Variants in PCDHGA3 observed in about 807,000 individuals in gnomAD.
The protein encoded by PCDHGA3 is protocadherin gamma-A3.
A neutral mutation model predicts 58.5 loss-of-function variants in PCDHGA3; 40 were observed. The observed-to-expected ratio is 0.68, with a 90% CI of 0.53 to 0.89. PCDHGA3 has a LOEUF of 0.89. Ranked by LOEUF, PCDHGA3 falls within the 40% of genes least tolerant of loss-of-function variation. The pLI, the probability that PCDHGA3 is intolerant of heterozygous loss-of-function variation, is 0.00. For synonymous variants in PCDHGA3, 530 were observed against 525.7 expected, an observed-to-expected ratio of 1.01 and a Z score of -0.11; for missense variants, 1,223 against 1,195.9, an observed-to-expected ratio of 1.02 and a Z score of -0.33.
In PCDHGA3 at chr5:141,350,224, A is replaced by G. The variant is rs545607392; in HGVS notation, c.2424+3767A>G. On this transcript the variant is annotated intron_variant, in intron 1 of 3. Coordinates refer to ENST00000253812, the MANE Select transcript of PCDHGA3 (RefSeq NM_018916.4). ...GTGCTGCCATTTCTTTTTGAAAAAC[A>G]TCCCAGAGGAAAGAAGCTCCGCGGA... is the stretch of plus-strand genomic sequence containing the variant. The G allele has an allele frequency of 1.7e-5, 26 of 1,496,556 alleles. No individual in the cohort carries two copies. In the East Asian group the frequency reaches 6.0e-4, roughly 35 times the overall value. The allele number at this position is 1,496,556 out of a possible 1,614,324, so 92.7% of individuals were successfully genotyped here.
At chr5:141,410,480 G>A in intron 1 of PCDHGA3, 1 of 1,613,966 alleles carries the variant, frequency 6.2e-7, no homozygotes, top group Non-Finnish European at 8.5e-7. Context: ...TGCACATACG[G>A]GTACAAAAGA....
At chr5:141,438,649 CACAT>C (rs2098044358) in intron 1 of PCDHGA3, among the ~76,000 whole-genome samples, 1 of 100,976 alleles carries the variant, frequency 9.9e-6, no homozygotes, top group Non-Finnish European at 2.0e-5. Context: ...CACACACACA[CACAT>C]ATATGTATAT....
intron 1 of PCDHGA3, among the ~76,000 whole-genome samples, chr5:141,373,448 A>G (rs1222167588): frequency 6.6e-6 from 1 of 152,218 alleles, no homozygotes; most frequent in Non-Finnish European, 1.5e-5. Flanking sequence ...CCTTGATCCC[A>G]GGAGGTAGCA....
At chr5:141,438,591 C>CATATATATATATATATATAT (rs946798767) in intron 1 of PCDHGA3, among the ~76,000 whole-genome samples, 1 of 75,562 alleles carries the variant, frequency 1.3e-5, no homozygotes, top group Non-Finnish European at 2.7e-5. Context: ...TACATACATA[C>CATATATATATATATATATAT]ATATATATAT....
At position 141,376,180 on chromosome 5, in the gene PCDHGA3, G is replaced by C. The variant is rs113596971; in HGVS notation, c.2424+29723G>C. On this transcript the variant is annotated intron_variant, in intron 1 of 3. Transcript: ENST00000253812. Reference sequence around the variant, plus strand: ...TGTACCTGGTGGTGGCGGTGGCCGCGGTCTCCTGCGTCTTCCTGGCCTTCG... The same window carrying C: ...TGTACCTGGTGGTGGCGGTGGCCGCCGTCTCCTGCGTCTTCCTGGCCTTCG... The C allele has an allele frequency of 1.9e-3, 3,099 of 1,614,100 alleles. 61 individuals are homozygous for C. The African/African-American group carries it at 0.034, about 18-fold the overall frequency.
rs149649459 is a variant in PCDHGA3, at chr5:141,505,183, G to A, written c.2484-210G>A. ...TCTAAAACAAAAAGAAAAAAGCATC[G>A]GAGGCAGCAAAGAGCTGGTTTGAGG... On this transcript the variant is annotated intron_variant, in intron 2 of 3. Transcript: ENST00000253812. Among the ~76,000 whole-genome samples, 214 of 152,244 alleles carry A rather than the reference G, an allele frequency of 1.4e-3. 1 individual carries two copies. Among genetic ancestry groups the A allele is most frequent in the African/African-American group, 4.8e-3 (200 of 41,530 alleles).
chr5:141,483,509 C>A (rs2099582178), intron 1 of PCDHGA3, among the ~76,000 whole-genome samples: 1 of 147,450 alleles, frequency 6.8e-6, no homozygotes, highest in African/African-American at 2.5e-5. Flanking sequence ...AGGCTGATCC[C>A]CCTAGATCCT....
intron 1 of PCDHGA3, among the ~76,000 whole-genome samples, chr5:141,435,568 A>C (rs564789030): frequency 8.7e-4 from 132 of 152,274 alleles, no homozygotes; most frequent in Middle Eastern, 6.8e-3. Context: ...TTTTTTTAGT[A>C]CTGGGGCAAA....
chr5:141,365,310 T>C (rs1471610081), intron 1 of PCDHGA3: 1 of 1,613,896 alleles, frequency 6.2e-7, no homozygotes, highest in Admixed American at 1.7e-5. Flanking sequence ...GGAGGCGCTC[T>C]TGTTGCCAGC....
Position 141,375,794 on chromosome 5 carries a change from G to C in PCDHGA3, c.2424+29337G>C, listed in dbSNP as rs754100940. On this transcript the variant is annotated intron_variant, in intron 1 of 3. Transcript: ENST00000253812. Reference sequence around the variant, plus strand: ...CCTGTACCCCGCCCTCCCCACAGACGGTTCCACTGGCGTGGAGCTGGCGCC... The same window carrying C: ...CCTGTACCCCGCCCTCCCCACAGACCGTTCCACTGGCGTGGAGCTGGCGCC... 33 of 1,614,052 alleles carry C rather than the reference G, an allele frequency of 2.0e-5. No individual in the cohort carries two copies. Among genetic ancestry groups the C allele is most frequent in the Non-Finnish European group, 2.4e-5 (28 of 1,180,026 alleles).
chr5:141,470,680 T>C (rs1212361233), intron 1 of PCDHGA3, among the ~76,000 whole-genome samples: 1 of 152,090 alleles, frequency 6.6e-6, no homozygotes, highest in Non-Finnish European at 1.5e-5. Context: ...GCTGTTACCA[T>C]CTTGAAATTC....
chr5:141,355,394 G>A (rs1759832826), intron 1 of PCDHGA3: 1 of 1,614,058 alleles, frequency 6.2e-7, no homozygotes, highest in Non-Finnish European at 8.5e-7. Context: ...CGCGGAGTCC[G>A]CATCGTCTCC....
intron 1 of PCDHGA3, chr5:141,422,634 T>C: frequency 1.9e-6 from 3 of 1,612,682 alleles, no homozygotes; most frequent in Non-Finnish European, 2.5e-6. Flanking sequence ...ACCCCAGGGG[T>C]GCCTCCATCT....
chr5:141,487,590 C>G lies in PCDHGA3; in HGVS notation c.2425-7217C>G. 1 of 1,614,160 alleles carries G rather than the reference C, an allele frequency of 6.2e-7. No homozygotes were observed. Among genetic ancestry groups the G allele is most frequent in the Non-Finnish European group, 8.5e-7 (1 of 1,180,040 alleles). ...GAGCCTGTTCGCCCAAGCTGCCCACCCTCTGATCTTCTCTATGGGCTAGAG... is the reference window on the plus strand; with the variant it reads ...GAGCCTGTTCGCCCAAGCTGCCCACGCTCTGATCTTCTCTATGGGCTAGAG... On this transcript the variant is annotated intron_variant, in intron 1 of 3. Transcript: ENST00000253812. The surrounding 1 kb of genome is among the most constrained non-coding windows in gnomAD (Gnocchi z 5.0).
intron 1 of PCDHGA3, chr5:141,377,824 A>G (rs1774374957): frequency 6.6e-6 from 1 of 152,212 alleles, no homozygotes; most frequent in Admixed American, 6.5e-5. Context: ...TGGGCCAGTT[A>G]CAATCGCCAT....
intron 1 of PCDHGA3, chr5:141,442,166 A>G (rs2098306007): frequency 6.4e-6 from 1 of 156,354 alleles, no homozygotes; most frequent in Non-Finnish European, 1.4e-5. Flanking sequence ...TCACTCTGCA[A>G]AGCTACAGCC....
intron 1 of PCDHGA3, among the ~76,000 whole-genome samples, chr5:141,347,038 CCT>C (rs763589183): frequency 1.3e-5 from 2 of 150,014 alleles, no homozygotes; most frequent in South Asian, 2.1e-4. Context: ...TTCCTTCCTT[CCT>C]CTCTCTCTTT....
Position 141,409,505 on chromosome 5 carries a change from A to G in PCDHGA3, c.2424+63048A>G, listed in dbSNP as rs1361558030. 5.6e-6 allele frequency: 9 copies of G among 1,614,036 alleles called. No homozygotes were observed. In the Middle Eastern group the frequency reaches 4.9e-4, roughly 89 times the overall value. On this transcript the variant is annotated intron_variant, in intron 1 of 3. Coordinates refer to ENST00000253812, the MANE Select transcript of PCDHGA3 (RefSeq NM_018916.4). Reference sequence around the variant, plus strand: ...CAGGGGCAAGCCGCCTCTTTCTTCCAGTAGAAGCATCACCTTGTATGTCGC... The same window carrying G: ...CAGGGGCAAGCCGCCTCTTTCTTCCGGTAGAAGCATCACCTTGTATGTCGC...
In PCDHGA3 at chr5:141,345,258, TC is replaced by T. The variant is rs1757544066; in HGVS notation, c.1228del (p.Leu410TrpfsTer13). The T allele has an allele frequency of 6.2e-7, 1 of 1,613,918 alleles. No homozygotes were observed. Among genetic ancestry groups the T allele is most frequent in the Admixed American group, 1.7e-5 (1 of 60,024 alleles). On this transcript the variant is annotated frameshift_variant, in exon 1 of 4. Transcript: ENST00000253812. LOFTEE classifies it high-confidence loss of function. ...ATATTACCGCTTAGTGACGGCCACA[TC>T]CCTGGACCGCGAACAAATATCAGAA... ...DQYYRLVTATSLDREQISEYN... is the reference protein window; with the variant it reads ...DQYYRLVTATXLDREQISEYN...
Sources: gnomAD v4.1 joint callset for allele counts (sites outside exome capture counted in the v4.1 genomes callset) on GRCh38, gnomAD v4.1.1 for gene constraint, Gnocchi (gnomAD v3.1) non-coding constraint, MANE v1.5 for transcripts, NCBI Gene and HGNC (gene_info 2026-07-23, HGNC 2026-07-21) for gene names.